Variants in ST6GAL2 observed in about 807,000 individuals in gnomAD.
The protein encoded by ST6GAL2 is beta-galactoside alpha-2,6-sialyltransferase 2.
Under a neutral mutation model 37.5 loss-of-function variants are expected in ST6GAL2, and 24 were observed. That is an observed-to-expected ratio of 0.64 (90% CI 0.46 to 0.90). The LOEUF (loss-of-function observed/expected upper bound fraction) is 0.90. Ranked by LOEUF, ST6GAL2 falls within the 40% of genes least tolerant of loss-of-function variation. The probability of loss-of-function intolerance (pLI) is 0.00; values close to 1 mark genes in which losing one functional copy is unlikely to be tolerated. For synonymous variants in ST6GAL2, 306 were observed against 295.1 expected, an observed-to-expected ratio of 1.04 and a Z score of -0.38; for missense variants, 715 against 712.7, an observed-to-expected ratio of 1.00 and a Z score of -0.04.
intron 2 of ST6GAL2, among the ~76,000 whole-genome samples, chr2:106,838,957 G>C (rs753108370): frequency 3.9e-5 from 6 of 152,018 alleles, no homozygotes; most frequent in Admixed American, 2.0e-4. Context: ...AATAGCTTGA[G>C]CCTGGGAAGT....
Position 106,858,620 on chromosome 2 carries a change from A to G in ST6GAL2, c.-57-14586T>C, listed in dbSNP as rs575696442. On this transcript the variant is annotated intron_variant, in intron 1 of 5. Coordinates refer to ENST00000409382, the MANE Select transcript of ST6GAL2 (RefSeq NM_001142351.2). ...AAAATTATCTCTGGGCTGATGGAAA[A>G]CAAGAGTGGGAGTTGAAGTAGATGA... Among the ~76,000 whole-genome samples, 385 of 152,308 alleles carry G rather than the reference A, an allele frequency of 2.5e-3. 3 individuals carry two copies. The highest frequency in any genetic ancestry group is 9.0e-3 in the African/African-American group (374 of 41,560).
At position 106,836,840 on chromosome 2, in the gene ST6GAL2, G is replaced by A. The variant is rs374083810; in HGVS notation, c.944-2694C>T. 4.4e-4 allele frequency among the ~76,000 whole-genome samples: 65 copies of A among 147,794 alleles called. No homozygotes were observed. The South Asian group carries it at 6.6e-3, about 15-fold the overall frequency. ...TGCATGCCTGTAATCCCAGCTACTC[G>A]GGAGGCTAAGGTAGAATTGCTTGAA... On this transcript the variant is annotated intron_variant, in intron 2 of 5. Coordinates refer to ENST00000409382, the MANE Select transcript of ST6GAL2 (RefSeq NM_001142351.2).
chr2:106,842,446 C>A (rs1676926765), intron 2 of ST6GAL2, among the ~76,000 whole-genome samples: 1 of 152,170 alleles, frequency 6.6e-6, no homozygotes, highest in Non-Finnish European at 1.5e-5. Context: ...AGTTGGGAGG[C>A]CGGAACTTAT....
intron 5 of ST6GAL2, among the ~76,000 whole-genome samples, chr2:106,817,138 T>G (rs1675832899): frequency 6.6e-6 from 1 of 152,246 alleles, no homozygotes; most frequent in Non-Finnish European, 1.5e-5. Flanking sequence ...AACGGCAGTC[T>G]AGGCCACAAG....
chr2:106,813,312 GC>G, intron 5 of ST6GAL2: 1 of 842,596 alleles, frequency 1.2e-6, no homozygotes, highest in Non-Finnish European at 1.6e-6. Flanking sequence ...TGAACTGTAT[GC>G]TTTTAAACAT....
At chr2:106,868,664 T>C (rs1035493181) in intron 1 of ST6GAL2, among the ~76,000 whole-genome samples, 4 of 152,062 alleles carry the variant, frequency 2.6e-5, no homozygotes, top group Admixed American at 1.3e-4. Flanking sequence ...AAGAAACAGA[T>C]TGGGAGACTA....
At chr2:106,885,670 A>G (rs1382857638) in intron 1 of ST6GAL2, among the ~76,000 whole-genome samples, 1 of 152,138 alleles carries the variant, frequency 6.6e-6, no homozygotes, top group East Asian at 1.9e-4. Context: ...CCGCCTGCCA[A>G]CTACATAAGA....
intron 1 of ST6GAL2, among the ~76,000 whole-genome samples, chr2:106,857,213 T>C (rs1677608680): frequency 6.6e-6 from 1 of 152,240 alleles, no homozygotes; most frequent in South Asian, 2.1e-4. Flanking sequence ...TATGATGGGA[T>C]ACATTATCCA....
Position 106,843,653 on chromosome 2 carries a change from T to C in ST6GAL2, c.325A>G (p.Lys109Glu), listed in dbSNP as rs73949785. 2.6e-5 allele frequency: 42 copies of C among 1,613,634 alleles called. No individual in the cohort carries two copies. The African/African-American group carries it at 4.9e-4, about 19-fold the overall frequency. Residue 109 changes from lysine (K) to glutamate (E), a missense_variant, in exon 2 of 6, where the codon AAA (lysine) becomes GAA (glutamate). Physicochemically the swap from Lys to Glu is moderately conservative, Grantham distance 56. Transcript: ENST00000409382. Reference protein sequence around the residue: ...WAQSQDGFEHKEFFSSQVGRK... With the variant: ...WAQSQDGFEHEEFFSSQVGRK... ...CCCACCTGGGATGAAAAAAACTCTTTATGTTCAAACCCATCTTGGGACTGG... is the reference window on the plus strand; with the variant it reads ...CCCACCTGGGATGAAAAAAACTCTTCATGTTCAAACCCATCTTGGGACTGG...
At chr2:106,841,791 G>A (rs1676895533) in intron 2 of ST6GAL2, among the ~76,000 whole-genome samples, 1 of 152,186 alleles carries the variant, frequency 6.6e-6, no homozygotes, top group Non-Finnish European at 1.5e-5. Context: ...CCACTCTGCA[G>A]GAGGGAAACG....
Position 106,840,983 on chromosome 2 carries a change from T to C in ST6GAL2, c.943+2052A>G, listed in dbSNP as rs373136686. ...GGTGTTATTTCACCCCGGGGACCTC[T>C]AAACCACTGCTTCTTCTTAATAAAT... On this transcript the variant is annotated intron_variant, in intron 2 of 5. Transcript: ENST00000409382. Among the ~76,000 whole-genome samples, 266 of 152,316 alleles carry C rather than the reference T, an allele frequency of 1.7e-3. 1 individual carries two copies. Among genetic ancestry groups the C allele is most frequent in the Admixed American group, 4.0e-3 (61 of 15,304 alleles).
intron 2 of ST6GAL2, among the ~76,000 whole-genome samples, chr2:106,836,507 G>A (rs541221286): frequency 6.6e-6 from 1 of 151,810 alleles, no homozygotes; most frequent in Non-Finnish European, 1.5e-5. Flanking sequence ...TTTCACTCAC[G>A]CATAATTGTA....
At chr2:106,860,721 GT>G (rs1379438525) in intron 1 of ST6GAL2, among the ~76,000 whole-genome samples, 1 of 152,096 alleles carries the variant, frequency 6.6e-6, no homozygotes, top group Non-Finnish European at 1.5e-5. Context: ...TAATTTTAAT[GT>G]TTTTATCACG....
chr2:106,875,831 T>C (rs6748028), intron 1 of ST6GAL2, among the ~76,000 whole-genome samples: 94,042 of 151,624 alleles, frequency 0.62, 30,306 homozygotes, highest in Non-Finnish European at 0.74. Flanking sequence ...GATAGAAATA[T>C]ATCATCTAGA....
At chr2:106,865,794 G>A (rs1345852913) in intron 1 of ST6GAL2, among the ~76,000 whole-genome samples, 1 of 152,128 alleles carries the variant, frequency 6.6e-6, no homozygotes, top group Non-Finnish European at 1.5e-5. Flanking sequence ...TGGAATTCAG[G>A]CCTTATACTT....
intron 1 of ST6GAL2, among the ~76,000 whole-genome samples, chr2:106,874,443 CATG>C (rs910107142): frequency 3.9e-5 from 6 of 151,958 alleles, no homozygotes; most frequent in African/African-American, 1.5e-4. Flanking sequence ...GCCAGAAGCA[CATG>C]ATGTTCTAAA....
intron 1 of ST6GAL2, among the ~76,000 whole-genome samples, chr2:106,884,788 A>G (rs1247929859): frequency 6.6e-6 from 1 of 151,450 alleles, no homozygotes; most frequent in African/African-American, 2.4e-5. Context: ...AGTGGTATAT[A>G]AAAATTTTGG....
chr2:106,857,796 G>A (rs1208835785), intron 1 of ST6GAL2, among the ~76,000 whole-genome samples: 1 of 152,044 alleles, frequency 6.6e-6, no homozygotes, highest in Non-Finnish European at 1.5e-5. Context: ...GGCCTCTTTG[G>A]GCAGGTGTGA....
At chr2:106,848,911 C>T (rs1045438176) in intron 1 of ST6GAL2, among the ~76,000 whole-genome samples, 5 of 152,178 alleles carry the variant, frequency 3.3e-5, no homozygotes, top group African/African-American at 9.6e-5. Context: ...CAGATCACTG[C>T]ACCTCCTCAT....
Sources: allele counts gnomAD v4.1 joint callset (sites outside exome capture counted in the v4.1 genomes callset), GRCh38; gene constraint gnomAD v4.1.1; transcripts MANE v1.5; gene names NCBI Gene and HGNC (gene_info 2026-07-23, HGNC 2026-07-21).